Variants in PDK3 observed in about 807,000 individuals in gnomAD.
PDK3 encodes the protein pyruvate dehydrogenase kinase, isozyme 3.
A neutral mutation model predicts 32.0 loss-of-function variants in PDK3; 12 were observed. The observed-to-expected ratio is 0.37, with a 90% CI of 0.24 to 0.61. PDK3 has a LOEUF of 0.61. PDK3 is among the 20% of genes least tolerant of loss of function. The pLI is 0.65. For missense variants in PDK3, 188 were observed against 316.9 expected (o/e 0.59, Z 3.09); for synonymous variants, 122 against 116.3 (o/e 1.05, Z -0.31).
intron 1 of PDK3, among the ~76,000 whole-genome samples, chrX:24,480,183 A>C (rs769144300): frequency 7.1e-4 from 80 of 111,970 alleles, no homozygotes; most frequent in African/African-American, 2.5e-3. Context: ...TTCCCCATTT[A>C]AGATCATCTG....
At chrX:24,525,023 G>A (rs907803599) in intron 6 of PDK3, among the ~76,000 whole-genome samples, 5 of 110,324 alleles carry the variant, frequency 4.5e-5, no homozygotes, top group Non-Finnish European at 7.6e-5. Context: ...CAGGAGTGGC[G>A]GCGCACACCT....
At chrX:24,527,171 G>A (rs570856523) in intron 7 of PDK3, among the ~76,000 whole-genome samples, 2 of 110,743 alleles carry the variant, frequency 1.8e-5, no homozygotes, top group East Asian at 5.6e-4. Flanking sequence ...GAGAAAAGGT[G>A]CTCTATAAAT....
chrX:24,510,934 T>C (rs1010906548), intron 5 of PDK3, among the ~76,000 whole-genome samples: 2 of 112,398 alleles, frequency 1.8e-5, no homozygotes, highest in Non-Finnish European at 3.8e-5. Flanking sequence ...CTTCATTTCC[T>C]ATGGACCCTC....
chrX:24,530,428 T>C (rs1922622940), intron 9 of PDK3, among the ~76,000 whole-genome samples: 1 of 112,014 alleles, frequency 8.9e-6, no homozygotes, highest in African/African-American at 3.2e-5. Flanking sequence ...GATTTTATAC[T>C]TGTTATATTA....
chrX:24,478,267 A>T (rs1419087653), intron 1 of PDK3, among the ~76,000 whole-genome samples: 1 of 111,045 alleles, frequency 9.0e-6, no homozygotes, highest in Non-Finnish European at 1.9e-5. Flanking sequence ...CAACATGGTG[A>T]AACCCCATAT....
chrX:24,494,967 C>T, intron 2 of PDK3, 84 bp downstream of exon 2: 1 of 810,431 alleles, frequency 1.2e-6, no homozygotes, highest in Non-Finnish European at 1.8e-6. Context: ...TAAAAGTGCA[C>T]ATACTGCCCG....
chrX:24,499,038 C>A, intron 3 of PDK3, 138 bp downstream of exon 3: 2 of 313,544 alleles, frequency 6.4e-6, no homozygotes, highest in Non-Finnish European at 5.2e-6. Flanking sequence ...AGTGACTCAA[C>A]ATTGAGTTTT....
intron 10 of PDK3, among the ~76,000 whole-genome samples, chrX:24,532,838 A>G (rs1287368973): frequency 1.8e-5 from 2 of 111,311 alleles, no homozygotes; most frequent in African/African-American, 3.3e-5. Context: ...TTTATGTAGA[A>G]CTGGCTCATT....
intron 2 of PDK3, among the ~76,000 whole-genome samples, chrX:24,498,110 C>T (rs1198234045): frequency 1.8e-5 from 2 of 112,550 alleles, no homozygotes; most frequent in African/African-American, 6.5e-5. Context: ...GACCCTTCTT[C>T]ACTTCTAGTT....
intron 5 of PDK3, chrX:24,513,374 G>C (rs1922173958): frequency 9.0e-6 from 1 of 111,664 alleles, no homozygotes; most frequent in Non-Finnish European, 1.9e-5. Flanking sequence ...AGAAGGTGGG[G>C]TGCGGGCCAG....
In PDK3 at chrX:24,524,440, C is replaced by CA. The variant is rs1416482008; in HGVS notation, c.674-1753dup. Among the ~76,000 whole-genome samples, 3 of 111,189 alleles carry CA rather than the reference C, an allele frequency of 2.7e-5. No individual in the cohort carries two copies. In the East Asian group the frequency reaches 8.5e-4, roughly 32 times the overall value. On this transcript the variant is annotated intron_variant, in intron 6 of 10. Coordinates refer to ENST00000379162, the MANE Select transcript of PDK3 (RefSeq NM_005391.5). ...GGCATGGACCAACTATGAAGCAACC[C>CA]AAAAAGGGTAGCATGATGTTGACCA...
chrX:24,487,844 G>A (rs1231408139), intron 1 of PDK3, among the ~76,000 whole-genome samples: 1 of 109,282 alleles, frequency 9.2e-6, no homozygotes, highest in Non-Finnish European at 1.9e-5. Flanking sequence ...TAGGAGGCAT[G>A]GTCTCTGTTG....
chrX:24,503,393 A>T lies in PDK3; in HGVS notation c.387A>T (p.Gly129=). ...ATGTGGTTCCTACAATGGCACAAGG[A>T]GTGATTGAATACAAGGAGAAGTTTG... ...HNDVVPTMAQ[G]VIEYKEKFGF... The change falls in exon 4 of 11, where the codon GGA becomes GGT. Residue 129 remains glycine, a synonymous_variant. Coordinates refer to ENST00000379162, the MANE Select transcript of PDK3 (RefSeq NM_005391.5). 8.3e-7 allele frequency: 1 copy of T among 1,202,202 alleles called. No individual in the cohort carries two copies. The highest frequency in any genetic ancestry group is 3.0e-5 in the East Asian group (1 of 33,788).
At chrX:24,522,648 G>A (rs1017409722) in intron 6 of PDK3, among the ~76,000 whole-genome samples, 8 of 111,260 alleles carry the variant, frequency 7.2e-5, no homozygotes, top group African/African-American at 2.0e-4. Context: ...GCTCACACCT[G>A]TAATCCCAGC....
chrX:24,534,163 T>C lies in PDK3; in HGVS notation c.*91T>C. The C allele has an allele frequency of 3.0e-6, 3 of 1,000,607 alleles. No individual in the cohort carries two copies. Among genetic ancestry groups the C allele is most frequent in the Non-Finnish European group, 3.8e-6 (3 of 781,774 alleles). 82.5% of individuals were successfully genotyped at this position (1,000,607 alleles called of 1,213,427 possible). ...TCCAGGAATTCTTGCAGTGTAGAGG[T>C]ATTCACAACAGCAAGCAGGGATTTG... On this transcript the variant is annotated 3_prime_UTR_variant, in exon 11 of 11. Transcript: ENST00000379162.
chrX:24,518,338 C>T (rs188259124), intron 5 of PDK3, among the ~76,000 whole-genome samples: 54 of 111,529 alleles, frequency 4.8e-4, no homozygotes, highest in Non-Finnish European at 2.6e-4. Flanking sequence ...CAAAAATTAG[C>T]TGGGCGTGGT....
chrX:24,526,091 T>G, intron 6 of PDK3, 107 bp from the exon 7 acceptor site: 1 of 568,531 alleles, frequency 1.8e-6, no homozygotes, highest in Non-Finnish European at 2.9e-6. Context: ...AAATTAGCCT[T>G]TTATAGAGCT....
intron 4 of PDK3, among the ~76,000 whole-genome samples, chrX:24,503,936 G>C (rs1323143410): frequency 8.9e-6 from 1 of 112,202 alleles, no homozygotes; most frequent in African/African-American, 3.2e-5. Flanking sequence ...TTGGTGATAG[G>C]AGCCATCAGT....
chrX:24,475,125 AC>A (rs1235727105), intron 1 of PDK3, among the ~76,000 whole-genome samples: 1 of 111,691 alleles, frequency 9.0e-6, no homozygotes, highest in Non-Finnish European at 1.9e-5. Flanking sequence ...AAAGGGAAAA[AC>A]AATCTCATTC....
Sources: gnomAD v4.1 joint callset for allele counts (sites outside exome capture counted in the v4.1 genomes callset) on GRCh38, gnomAD v4.1.1 for gene constraint, MANE v1.5 for transcripts, NCBI Gene and HGNC (gene_info 2026-07-23, HGNC 2026-07-21) for gene names.